Variants in MICAL2 observed in about 807,000 individuals in gnomAD.
The protein encoded by MICAL2 is [F-actin]-monooxygenase MICAL2.
MICAL2 carries 77 observed loss-of-function variants against 127.3 expected under a neutral mutation model. That is an observed-to-expected ratio of 0.60 (90% CI 0.50 to 0.73). The LOEUF (loss-of-function observed/expected upper bound fraction) is 0.73. MICAL2 is among the 30% of genes least tolerant of loss of function. The pLI is 0.00. For synonymous variants in MICAL2, 570 were observed against 551.1 expected, an observed-to-expected ratio of 1.03 and a Z score of -0.48; for missense variants, 1,351 against 1,434.4, an observed-to-expected ratio of 0.94 and a Z score of 0.94.
intron 15 of MICAL2, among the ~76,000 whole-genome samples, chr11:12,234,315 C>A (rs1389342880): frequency 6.9e-6 from 1 of 145,716 alleles, no homozygotes; most frequent in South Asian, 2.2e-4. Context: ...AAAAAAAAAA[C>A]AACAGAAAAC....
chr11:12,298,887 A>G (rs943109444), intron 29 of MICAL2, among the ~76,000 whole-genome samples: 2 of 152,074 alleles, frequency 1.3e-5, no homozygotes, highest in Non-Finnish European at 2.9e-5. Flanking sequence ...ACTTTACATG[A>G]TGTCTTATTA....
intron 15 of MICAL2, among the ~76,000 whole-genome samples, chr11:12,235,836 C>T (rs1858973004): frequency 6.6e-6 from 1 of 152,184 alleles, no homozygotes; most frequent in African/African-American, 2.4e-5. Flanking sequence ...GGCCACTTTG[C>T]AATGGAGATC....
chr11:12,124,848 A>G (rs1850786822), intron 1 of MICAL2, among the ~76,000 whole-genome samples: 1 of 152,148 alleles, frequency 6.6e-6, no homozygotes, highest in African/African-American at 2.4e-5. Flanking sequence ...GTGTTCTTTG[A>G]GTCTCCAGCA....
chr11:12,262,287 C>G (rs916079471), intron 26 of MICAL2, 193 bp from the exon 27 acceptor site: 1 of 1,431,488 alleles, frequency 7.0e-7, no homozygotes, highest in South Asian at 1.5e-5. Flanking sequence ...AAACAAGTAG[C>G]TGGTCACAAC....
chr11:12,295,949 C>G (rs553850405), downstream of MICAL2, among the ~76,000 whole-genome samples: 1 of 152,026 alleles, frequency 6.6e-6, no homozygotes, highest in African/African-American at 2.4e-5. Flanking sequence ...TAAACACTTA[C>G]GCATATTTGC....
At chr11:12,356,299 C>T (rs555123555) in intron 34 of MICAL2, among the ~76,000 whole-genome samples, 3 of 152,344 alleles carry the variant, frequency 2.0e-5, no homozygotes, top group African/African-American at 7.2e-5. Context: ...GAACTCTTTA[C>T]CCCTCCATGG....
At position 12,216,448 on chromosome 11, in the gene MICAL2, C is replaced by A. The variant is rs115652246; in HGVS notation, c.948+129C>A. 1.0e-3 allele frequency: 721 copies of A among 689,512 alleles called. 6 individuals are homozygous for A. The African/African-American group carries it at 0.011, about 11-fold the overall frequency. The allele number at this position is 689,512 out of a possible 1,614,324, so 42.7% of individuals were successfully genotyped here. On this transcript the variant is annotated intron_variant, in intron 8 of 27. Transcript: ENST00000683283. ...GAGGGGGGAAGGTGCCACCAGCTTA[C>A]ACCCTTCTTTTTCTTGGTGTTACAT...
intron 3 of MICAL2, among the ~76,000 whole-genome samples, chr11:12,187,725 C>A (rs1858494211): frequency 6.6e-6 from 1 of 152,198 alleles, no homozygotes; most frequent in Non-Finnish European, 1.5e-5. Context: ...ATCTGTCTTA[C>A]TTCTCGGCTA....
intron 2 of MICAL2, 165 bp from the exon 3 acceptor site, chr11:12,161,914 C>A: frequency 1.8e-6 from 1 of 563,522 alleles, no homozygotes; most frequent in Non-Finnish European, 3.1e-6. Flanking sequence ...GGCCAAAAGG[C>A]ACAATTCTGT....
intron 4 of MICAL2, among the ~76,000 whole-genome samples, chr11:12,205,037 A>G (rs779129234): frequency 3.9e-5 from 6 of 152,322 alleles, no homozygotes; most frequent in Admixed American, 1.3e-4. Flanking sequence ...TTGTTTCCTG[A>G]TGGATCCCAT....
chr11:12,246,725 C>T (rs1860805641), intron 21 of MICAL2, among the ~76,000 whole-genome samples: 1 of 152,140 alleles, frequency 6.6e-6, no homozygotes, highest in Non-Finnish European at 1.5e-5. Context: ...CTCAGCCTTC[C>T]ACCCCTGAGT....
downstream of MICAL2, chr11:12,292,445 AC>A: frequency 1.2e-6 from 1 of 833,478 alleles, no homozygotes; most frequent in Non-Finnish European, 1.9e-6. Context: ...TCAAGGGTCT[AC>A]CCCAGCTGCC....
chr11:12,265,046 A>G (rs983780489), downstream of MICAL2, among the ~76,000 whole-genome samples: 1 of 152,258 alleles, frequency 6.6e-6, no homozygotes, highest in Non-Finnish European at 1.5e-5. Context: ...GCAGACAAAA[A>G]TCGTCACTTT....
chr11:12,219,632 C>T (rs1191058560), intron 8 of MICAL2, among the ~76,000 whole-genome samples: 1 of 145,466 alleles, frequency 6.9e-6, no homozygotes, highest in Non-Finnish European at 1.5e-5. Flanking sequence ...TTCCCATTTT[C>T]TTTTTCTGGT....
In MICAL2 at chr11:12,166,352, A is replaced by C. The variant is rs546348119; in HGVS notation, c.264+3933A>C. On this transcript the variant is annotated intron_variant, in intron 3 of 27. Transcript: ENST00000683283. ...TTAGCAGGTGTTTCCAGTGCCCTAC[A>C]CCTTACCAGGCATTTGACAGAGAGG... 1.8e-4 allele frequency among the ~76,000 whole-genome samples: 28 copies of C among 152,310 alleles called. No individual in the cohort carries two copies. In the South Asian group the frequency reaches 5.4e-3, roughly 29 times the overall value.
intron 3 of MICAL2, among the ~76,000 whole-genome samples, chr11:12,187,165 A>T (rs1714878814): frequency 6.6e-6 from 1 of 151,990 alleles, no homozygotes; most frequent in Non-Finnish European, 1.5e-5. Flanking sequence ...TCCTGCCCTC[A>T]TTCATCTTTT....
chr11:12,243,073 G>T, intron 20 of MICAL2: 1 of 240,024 alleles, frequency 4.2e-6, no homozygotes, highest in Non-Finnish European at 7.9e-6. Flanking sequence ...TTTCCAAGCA[G>T]GCTCTGAGCT....
chr11:12,252,845 T>G (rs1163398915), intron 22 of MICAL2: 1 of 152,178 alleles, frequency 6.6e-6, no homozygotes, highest in East Asian at 1.9e-4. Context: ...CACAAGTTAC[T>G]GTTATTTGGT....
At position 12,154,541 on chromosome 11, in the gene MICAL2, A is replaced by G. The variant is rs186284684; in HGVS notation, c.-77-7538A>G. Among the ~76,000 whole-genome samples the G allele has an allele frequency of 1.3e-3, 192 of 152,348 alleles. 2 individuals carry two copies. Among genetic ancestry groups the G allele is most frequent in the Non-Finnish European group, 2.8e-4 (19 of 68,036 alleles). ...CTATCTGAAATGCGATCCTACACAC[A>G]TATCACCACTGTTCACATCTGGCTT... On this transcript the variant is annotated intron_variant, in intron 2 of 27. Transcript: ENST00000683283.
Sources: allele counts gnomAD v4.1 joint callset (sites outside exome capture counted in the v4.1 genomes callset), GRCh38; gene constraint gnomAD v4.1.1; transcripts MANE v1.5; gene names NCBI Gene and HGNC (gene_info 2026-07-23, HGNC 2026-07-21).